METTL15: variants seen among roughly 807,000 people sequenced by gnomAD.
METTL15 encodes the protein methyltransferase 15, mitochondrial 12S rRNA N4-cytidine, also known as 12S rRNA N(4)-cytidine methyltransferase METTL15.
Under a neutral mutation model 38.3 loss-of-function variants are expected in METTL15, and 34 were observed. That is an observed-to-expected ratio of 0.89 (90% CI 0.68 to 1.18). METTL15 has a LOEUF of 1.18. Ranked by LOEUF, METTL15 falls within the 50% of genes most tolerant of loss-of-function variation. The pLI is 0.00. For missense variants in METTL15, 438 were observed against 498.4 expected (o/e 0.88, Z 1.15); for synonymous variants, 162 against 170.9 (o/e 0.95, Z 0.41).
chr11:28,318,560 G>T (rs1214756334), intron 6 of METTL15, among the ~76,000 whole-genome samples: 7 of 152,138 alleles, frequency 4.6e-5, no homozygotes, highest in Admixed American at 4.6e-4. Flanking sequence ...AACAACAAGT[G>T]TATTTTAAAA....
chr11:28,504,558 TG>T (rs1487564745), intron 6 of METTL15, among the ~76,000 whole-genome samples: 4 of 152,164 alleles, frequency 2.6e-5, no homozygotes, highest in African/African-American at 9.7e-5. Context: ...AATAAACCTA[TG>T]GGTCAAACAA....
chr11:28,287,203 AG>A (rs1316085665), intron 4 of METTL15: 12 of 166,336 alleles, frequency 7.2e-5, no homozygotes, highest in African/African-American at 3.5e-4. Context: ...TGTGTTCATG[AG>A]GCATTTTATT....
chr11:28,396,152 AAACTGG>A (rs1156275722), intron 5 of METTL15, among the ~76,000 whole-genome samples: 3 of 152,184 alleles, frequency 2.0e-5, no homozygotes, highest in Non-Finnish European at 4.4e-5. Flanking sequence ...GAATGGGCAA[AAACTGG>A]AAGCATTCCC....
In METTL15 at chr11:28,160,264, G is replaced by A. The variant is rs374820034; in HGVS notation, c.270+46660G>A. 7.9e-5 allele frequency among the ~76,000 whole-genome samples: 12 copies of A among 151,544 alleles called. No individual in the cohort carries two copies. The South Asian group carries it at 1.0e-3, about 13-fold the overall frequency. On this transcript the variant is annotated intron_variant, in intron 3 of 6. Transcript: ENST00000407364. ...TTGGATATTATTCCATTCGTTATTG[G>A]AATATATATATTCCATTATATATAT...
intron 6 of METTL15, among the ~76,000 whole-genome samples, chr11:28,488,018 C>T (rs1219317269): frequency 6.6e-6 from 1 of 152,104 alleles, no homozygotes; most frequent in African/African-American, 2.4e-5. Context: ...ACACTGAGGA[C>T]AGGACAATAA....
chr11:28,489,810 A>G (rs997343618), intron 6 of METTL15, among the ~76,000 whole-genome samples: 1 of 152,184 alleles, frequency 6.6e-6, no homozygotes, highest in African/African-American at 2.4e-5. Context: ...AGCAAGGATT[A>G]GATGAAGAAA....
At chr11:28,343,769 T>C (rs1310357228) in intron 3 of METTL15, among the ~76,000 whole-genome samples, 1 of 152,230 alleles carries the variant, frequency 6.6e-6, no homozygotes, top group African/African-American at 2.4e-5. Context: ...TTACTCAACA[T>C]CTATTGAGTG....
At chr11:28,258,422 C>T (rs1262804366) in intron 4 of METTL15, among the ~76,000 whole-genome samples, 1 of 152,112 alleles carries the variant, frequency 6.6e-6, no homozygotes, top group Non-Finnish European at 1.5e-5. Context: ...GCTCAACAGT[C>T]AGCAGGTAGC....
chr11:28,274,171 C>T (rs889468247), intron 4 of METTL15, among the ~76,000 whole-genome samples: 1 of 151,860 alleles, frequency 6.6e-6, no homozygotes, highest in African/African-American at 2.4e-5. Context: ...TTTGTGTTTA[C>T]AGAAGGAATT....
intron 4 of METTL15, among the ~76,000 whole-genome samples, chr11:28,222,553 C>T (rs1210355028): frequency 6.6e-6 from 1 of 152,192 alleles, no homozygotes; most frequent in African/African-American, 2.4e-5. Context: ...GTGCTTCATC[C>T]ACTGTCCTGC....
At chr11:28,222,760 T>G (rs2133867576) in intron 4 of METTL15, among the ~76,000 whole-genome samples, 1 of 152,316 alleles carries the variant, frequency 6.6e-6, no homozygotes, top group Admixed American at 6.5e-5. Flanking sequence ...ATTATGTAAT[T>G]TTAAAAAACC....
chr11:28,395,503 A>G (rs552270455), intron 5 of METTL15, among the ~76,000 whole-genome samples: 24 of 152,280 alleles, frequency 1.6e-4, no homozygotes, highest in Non-Finnish European at 3.1e-4. Flanking sequence ...TAGAAAATCT[A>G]GAAGAAATGG....
intron 6 of METTL15, among the ~76,000 whole-genome samples, chr11:28,499,694 G>A (rs1455766941): frequency 1.4e-5 from 2 of 140,204 alleles, no homozygotes; most frequent in Non-Finnish European, 3.1e-5. Flanking sequence ...TCTCAGTCTG[G>A]AGAAATCATA....
intron 3 of METTL15, among the ~76,000 whole-genome samples, chr11:28,205,730 A>C (rs1354666728): frequency 1.3e-5 from 2 of 150,312 alleles, no homozygotes; most frequent in Non-Finnish European, 3.0e-5. Context: ...CCAACAGTGT[A>C]AAAGTGTTCC....
chr11:28,217,168 A>C (rs866412021), intron 4 of METTL15, among the ~76,000 whole-genome samples: 1 of 152,190 alleles, frequency 6.6e-6, no homozygotes, highest in Non-Finnish European at 1.5e-5. Context: ...ACTAGTTTAC[A>C]GTCCCACCAA....
intron 3 of METTL15, among the ~76,000 whole-genome samples, chr11:28,177,555 A>G (rs920152990): frequency 2.0e-5 from 3 of 152,048 alleles, no homozygotes; most frequent in Admixed American, 6.6e-5. Context: ...TGTATGGATT[A>G]GGTAAGAAAA....
intron 6 of METTL15, among the ~76,000 whole-genome samples, chr11:28,441,504 T>G (rs1001690313): frequency 2.0e-5 from 3 of 152,182 alleles, no homozygotes; most frequent in African/African-American, 7.2e-5. Context: ...TCTGTTTGGA[T>G]TCTACTGTCA....
intron 6 of METTL15, among the ~76,000 whole-genome samples, chr11:28,439,479 A>T (rs1271438864): frequency 6.6e-6 from 1 of 152,194 alleles, no homozygotes; most frequent in Non-Finnish European, 1.5e-5. Context: ...GCAATTTAGA[A>T]TAGGCAAATT....
intron 5 of METTL15, among the ~76,000 whole-genome samples, chr11:28,373,207 A>C (rs373248184): frequency 1.8e-3 from 278 of 151,984 alleles, no homozygotes; most frequent in East Asian, 8.6e-3. Flanking sequence ...CTGACTTCCA[A>C]AATGGTTGAA....
Sources: gnomAD v4.1 joint callset for allele counts (sites outside exome capture counted in the v4.1 genomes callset) on GRCh38, gnomAD v4.1.1 for gene constraint, MANE v1.5 for transcripts, NCBI Gene and HGNC (gene_info 2026-07-23, HGNC 2026-07-21) for gene names.